Variants in OSBPL7 observed in about 807,000 individuals in gnomAD.
The protein encoded by OSBPL7 is oxysterol-binding protein-related protein 7.
OSBPL7 carries 66 observed loss-of-function variants against 115.8 expected under a neutral mutation model. The observed-to-expected ratio is 0.57, with a 90% CI of 0.47 to 0.70. The LOEUF (loss-of-function observed/expected upper bound fraction) is 0.70, where lower values mean the gene tolerates loss of function less well. Among genes scored for constraint, OSBPL7 ranks in the 30% least tolerant of loss-of-function variants. The pLI is 0.00. For missense variants in OSBPL7, 902 were observed against 1,125.5 expected (o/e 0.80, Z 2.84); for synonymous variants, 441 against 439.2 (o/e 1.00, Z -0.05).
intron 3 of OSBPL7, 91 bp from the exon 4 acceptor site, chr17:47,819,873 C>T: frequency 2.5e-6 from 4 of 1,609,192 alleles, no homozygotes; most frequent in Non-Finnish European, 3.4e-6. Flanking sequence ...TTTTCTTTTC[C>T]TTCTCATCAT....
At position 47,817,448 on chromosome 17, in the gene OSBPL7, G is replaced by A. The variant is rs1176364884; in HGVS notation, c.599-89C>T. 4.5e-6 allele frequency: 4 copies of A among 895,948 alleles called. No homozygotes were observed. In the African/African-American group the frequency reaches 6.9e-5, roughly 15 times the overall value. 55.5% of individuals were successfully genotyped at this position (895,948 alleles called of 1,614,324 possible). A position where few individuals can be genotyped will look rare whatever the true frequency, so the allele number is the denominator to read the frequency against. The stretch of plus-strand genomic sequence containing the variant: ...CTTGTTGCCCAGGCTAGAGTGGAAT[G>A]GCGTGATCTCGGCTCACTGCAACCT... On this transcript the variant is annotated intron_variant, in intron 7 of 22. Transcript: ENST00000007414.
In OSBPL7 at chr17:47,808,436, T is replaced by C. The variant is rs770895051; in HGVS notation, c.2421-37A>G. 3.1e-6 allele frequency: 5 copies of C among 1,613,728 alleles called. No individual in the cohort carries two copies. The highest frequency in any genetic ancestry group is 2.7e-5 in the African/African-American group (2 of 74,896). Reference sequence around the variant, plus strand: ...AGGCGGTGGCAGTGAGGGGTGAACATCTAGAAGGCAGGCTAGGGTCCTAAG... The same window carrying C: ...AGGCGGTGGCAGTGAGGGGTGAACACCTAGAAGGCAGGCTAGGGTCCTAAG... On this transcript the variant is annotated intron_variant, in intron 22 of 22. Transcript: ENST00000007414. This position sits in a 1 kb window ranked among gnomAD's most constrained non-coding sequence, Gnocchi z 6.1.
intron 7 of OSBPL7, among the ~76,000 whole-genome samples, 196 bp downstream of exon 7, chr17:47,818,073 G>T (rs2033280220): frequency 6.6e-6 from 1 of 152,162 alleles, no homozygotes; most frequent in African/African-American, 2.4e-5. Flanking sequence ...CTGTCTATGT[G>T]CCCAGGCAGA....
intron 12 of OSBPL7, 140 bp from the exon 13 acceptor site, chr17:47,815,492 G>GCGGC: frequency 6.4e-6 from 7 of 1,097,876 alleles, no homozygotes; most frequent in Non-Finnish European, 9.1e-6. Flanking sequence ...CTGAGCAGAA[G>GCGGC]AGGCAGAGAG....
rs1328367885 is a variant in OSBPL7 at position 47,821,661 on chromosome 17, C to T, written c.-88+5G>A. On this transcript the variant is annotated splice_donor_5th_base_variant and intron_variant, in intron 1 of 22. Transcript: ENST00000007414. The stretch of plus-strand genomic sequence containing the variant: ...ATGTCAGCTGCTGCCACGCAGCCCC[C>T]TTACCCCAGGGTCCATGGACGCCAG... The T allele has an allele frequency of 6.6e-6, 1 of 152,410 alleles. No individual in the cohort carries two copies. The highest frequency in any genetic ancestry group is 1.5e-5 in the Non-Finnish European group (1 of 68,192). 9.4% of individuals were successfully genotyped at this position (152,410 alleles called of 1,614,324 possible).
At chr17:47,819,158 G>C (rs1209717453) in intron 4 of OSBPL7, 59 bp from the exon 5 acceptor site, 6 of 1,432,458 alleles carry the variant, frequency 4.2e-6, no homozygotes, top group East Asian at 4.6e-5. Flanking sequence ...CAGAGCCATA[G>C]AGCCACCATC....
chr17:47,817,547 G>A (rs1314638192), intron 7 of OSBPL7, among the ~76,000 whole-genome samples, 188 bp from the exon 8 acceptor site: 1 of 152,048 alleles, frequency 6.6e-6, no homozygotes, highest in African/African-American at 2.4e-5. Flanking sequence ...GCACCACCAT[G>A]CCTGGCTAAT....
Position 47,817,303 on chromosome 17 carries a change from C to T in OSBPL7, c.655G>A (p.Glu219Lys). The change falls in exon 8 of 23, where the codon GAG becomes AAG. Residue 219 changes from glutamate to lysine, a missense_variant. Glu to Lys is a moderately conservative substitution (Grantham distance 56, BLOSUM62 1). This residue lies in a region of OSBPL7 where 667 missense variants were observed against 788.7 expected (regional missense o/e 0.85). Coordinates refer to ENST00000007414, the MANE Select transcript of OSBPL7 (RefSeq NM_145798.3). Reference protein sequence around the residue: ...QELHRLLQSLESLHRIPSAPV... With the variant: ...QELHRLLQSLKSLHRIPSAPV... Reference sequence around the variant, plus strand: ...GCTGAGGGGATTCGGTGCAGGGACTCCAGGCTCTGGAGGAGCCTGTGTAGT... The same window carrying T: ...GCTGAGGGGATTCGGTGCAGGGACTTCAGGCTCTGGAGGAGCCTGTGTAGT... 6.2e-7 allele frequency: 1 copy of T among 1,603,252 alleles called. No homozygotes were observed.
intron 18 of OSBPL7, among the ~76,000 whole-genome samples, chr17:47,809,911 CTTTTT>C (rs1159738939): frequency 2.1e-5 from 1 of 46,704 alleles, no homozygotes; most frequent in African/African-American, 7.5e-5. Context: ...CTTTTCTTTT[CTTTTT>C]TTTTTTTTTT....
chr17:47,812,813 T>TGG (rs2033085403), intron 16 of OSBPL7, among the ~76,000 whole-genome samples: 1 of 152,122 alleles, frequency 6.6e-6, no homozygotes, highest in Non-Finnish European at 1.5e-5. Flanking sequence ...CCTCAAATCC[T>TGG]CCATGGTGCC....
rs1236449262 is a variant in OSBPL7, at chr17:47,808,524, C to T, written c.2420+14G>A. On this transcript the variant is annotated intron_variant, in intron 22 of 22. Coordinates refer to ENST00000007414, the MANE Select transcript of OSBPL7 (RefSeq NM_145798.3). The surrounding 1 kb of genome is among the most constrained non-coding windows in gnomAD (Gnocchi z 6.1). The stretch of plus-strand genomic sequence containing the variant: ...TCATGGGGAGACCCAGGGCGGAGGG[C>T]GAGGCCGAGGCACCTGAAGAAGCGA... 15 of 1,613,938 alleles carry T rather than the reference C, an allele frequency of 9.3e-6. No individual in the cohort carries two copies. Among genetic ancestry groups the T allele is most frequent in the Non-Finnish European group, 1.2e-5 (14 of 1,179,970 alleles).
intron 4 of OSBPL7, chr17:47,819,522 A>G (rs1466477066): frequency 4.7e-5 from 30 of 635,770 alleles, no homozygotes; most frequent in Non-Finnish European, 7.4e-5. Context: ...CCTTACCATG[A>G]CAGCTCTGCA....
chr17:47,809,470 T>G lies in OSBPL7; in HGVS notation c.1889A>C (p.Asp630Ala). 6.2e-7 allele frequency: 1 copy of G among 1,610,976 alleles called. No homozygotes were observed. The change falls in exon 19 of 23, where the codon GAC becomes GCC. Residue 630 changes from aspartate to alanine, a missense_variant. Asp to Ala is a moderately radical substitution (Grantham distance 126, BLOSUM62 -2). Coordinates refer to ENST00000007414, the MANE Select transcript of OSBPL7 (RefSeq NM_145798.3). ...TVNVSLPRFG[D>A]HFEWNKVTSC... ...TGTCACCTTGTTCCACTCAAAGTGG[T>G]CCCCAAACCTGAGAAAGACAAGGTA... is the stretch of plus-strand genomic sequence containing the variant.
In OSBPL7 at chr17:47,813,793, G is replaced by A. The variant is rs751232239; in HGVS notation, c.1393C>T (p.Arg465Cys). 5 of 1,612,366 alleles carry A rather than the reference G, an allele frequency of 3.1e-6. No individual in the cohort carries two copies. The highest frequency in any genetic ancestry group is 3.4e-6 in the Non-Finnish European group (4 of 1,179,746). The change falls in exon 15 of 23, where the codon CGC (arginine) becomes TGC (cysteine). Residue 465 changes from arginine (R) to cysteine (C), a missense_variant. Physicochemically the swap from Arg to Cys is radical, Grantham distance 180 (BLOSUM62 -3). This residue lies in a region of OSBPL7 where 667 missense variants were observed against 788.7 expected (regional missense o/e 0.85). Coordinates refer to ENST00000007414, the MANE Select transcript of OSBPL7 (RefSeq NM_145798.3). ...GGCCCGCTGGCCGCCGGCAGGCAGC[G>A]ACGGCGGGGTGGCCCCATGGGTCTC... The part of the protein sequence containing the change: ...PGRPMGPPRR[R>C]CLPAASGPGA...
chr17:47,818,449 A>C, intron 6 of OSBPL7, 57 bp downstream of exon 6: 2 of 1,591,870 alleles, frequency 1.3e-6, no homozygotes, highest in Admixed American at 1.7e-5. Flanking sequence ...ACAGTTCTCC[A>C]TAGCCCTTGC....
chr17:47,817,411 C>T (rs78312568), intron 7 of OSBPL7, 52 bp from the exon 8 acceptor site: 55,384 of 1,338,820 alleles, frequency 0.041, 1,672 homozygotes, highest in African/African-American at 0.13. Context: ...TTTTTTGAGA[C>T]GGAGTTTTGC....
intron 7 of OSBPL7, among the ~76,000 whole-genome samples, 154 bp from the exon 8 acceptor site, chr17:47,817,513 C>T (rs1327081227): frequency 6.6e-6 from 1 of 152,114 alleles, no homozygotes; most frequent in African/African-American, 2.4e-5. Context: ...CCTCAGCCTC[C>T]CGAGTAGCTA....
rs2033153433 is a variant in OSBPL7, at chr17:47,814,573, G to A, written c.1299C>T (p.Thr433=). The change falls in exon 14 of 23, where the codon ACC becomes ACT. Residue 433 remains threonine, a synonymous_variant. Coordinates refer to ENST00000007414, the MANE Select transcript of OSBPL7 (RefSeq NM_145798.3). The part of the protein sequence containing the change: ...EEESCTSEIT[T]SLSEEMLDLR... Reference sequence around the variant, plus strand: ...GGTCCAGCATCTCCTCAGACAGGCTGGTGGTGATTTCACTGGTACAGGACT... The same window carrying A: ...GGTCCAGCATCTCCTCAGACAGGCTAGTGGTGATTTCACTGGTACAGGACT... 1 of 1,613,942 alleles carries A rather than the reference G, an allele frequency of 6.2e-7. No homozygotes were observed. Among genetic ancestry groups the A allele is most frequent in the African/African-American group, 1.3e-5 (1 of 74,982 alleles).
intron 16 of OSBPL7, among the ~76,000 whole-genome samples, chr17:47,811,119 A>T (rs1040139127): frequency 2.6e-5 from 4 of 151,868 alleles, no homozygotes; most frequent in African/African-American, 7.3e-5. Flanking sequence ...AGTTCCCCGC[A>T]ACAGTGATGG....
Sources: allele counts gnomAD v4.1 joint callset (sites outside exome capture counted in the v4.1 genomes callset), GRCh38; gene constraint gnomAD v4.1.1; regional missense constraint gnomAD v4.1.1; non-coding constraint Gnocchi (gnomAD v3.1); transcripts MANE v1.5; gene names NCBI Gene and HGNC (gene_info 2026-07-23, HGNC 2026-07-21).